Variants in ZCCHC17 observed in about 807,000 individuals in gnomAD.
ZCCHC17 encodes the protein zinc finger CCHC-type containing 17.
A neutral mutation model predicts 30.6 loss-of-function variants in ZCCHC17; 18 were observed. That is an observed-to-expected ratio of 0.59 (90% CI 0.41 to 0.87). The LOEUF is 0.87. ZCCHC17 is among the 40% of genes least tolerant of loss of function. The probability of loss-of-function intolerance (pLI) is 0.00; values close to 1 mark genes in which losing one functional copy is unlikely to be tolerated. For synonymous variants in ZCCHC17, 88 were observed against 92.4 expected, an observed-to-expected ratio of 0.95 and a Z score of 0.27; for missense variants, 263 against 284.2, an observed-to-expected ratio of 0.93 and a Z score of 0.54.
chr1:31,323,502 TAGTAGAGTCAGG>T (rs1646911037), intron 3 of ZCCHC17, among the ~76,000 whole-genome samples: 1 of 152,120 alleles, frequency 6.6e-6, no homozygotes, highest in Non-Finnish European at 1.5e-5. Context: ...TTTGTATTTT[TAGTAGAGTCAGG>T]GTTTCACCGT....
intron 3 of ZCCHC17, among the ~76,000 whole-genome samples, chr1:31,330,159 C>A (rs1044179188): frequency 6.6e-6 from 1 of 152,150 alleles, no homozygotes; most frequent in Non-Finnish European, 1.5e-5. Flanking sequence ...TCACTTCTTT[C>A]CTTTATTGCC....
At chr1:31,331,077 G>A (rs1638564527) in intron 3 of ZCCHC17, among the ~76,000 whole-genome samples, 1 of 151,952 alleles carries the variant, frequency 6.6e-6, no homozygotes, top group Admixed American at 6.6e-5. Flanking sequence ...TAATTCCAGG[G>A]AAAAGGGATT....
Position 31,348,934 on chromosome 1 carries a change from A to G in ZCCHC17, c.524A>G (p.Lys175Arg), listed in dbSNP as rs1011675925. Reference protein sequence around the residue: ...KEEAKSAEFEKPDPTRNPSRK... With the variant: ...KEEAKSAEFERPDPTRNPSRK... ...GAGGCAAAGTCAGCAGAGTTTGAGA[A>G]GCCTGACCCTACAAGGAATCCTTCT... is the stretch of plus-strand genomic sequence containing the variant. Residue 175 changes from lysine (K) to arginine (R), a missense_variant, in exon 7 of 8, where the codon AAG (lysine) becomes AGG (arginine). Lys to Arg is a conservative substitution (Grantham distance 26, BLOSUM62 2). Coordinates refer to ENST00000344147, the MANE Select transcript of ZCCHC17 (RefSeq NM_016505.4). 3 of 1,605,726 alleles carry G rather than the reference A, an allele frequency of 1.9e-6. No homozygotes were observed. The African/African-American group carries it at 4.0e-5, about 22-fold the overall frequency.
intron 7 of ZCCHC17, among the ~76,000 whole-genome samples, chr1:31,360,482 G>A (rs897945755): frequency 8.5e-5 from 13 of 152,182 alleles, no homozygotes; most frequent in African/African-American, 2.4e-4. Context: ...CTACAACTTC[G>A]GATGTGATTG....
intron 3 of ZCCHC17, among the ~76,000 whole-genome samples, chr1:31,332,664 T>C (rs1638637776): frequency 6.6e-6 from 1 of 152,050 alleles, no homozygotes; most frequent in Admixed American, 6.5e-5. Context: ...CTTTTTTTTT[T>C]GAGATGGAGT....
chr1:31,311,353 G>A (rs1316090809), intron 2 of ZCCHC17, among the ~76,000 whole-genome samples: 2 of 152,150 alleles, frequency 1.3e-5, no homozygotes, highest in African/African-American at 2.4e-5. Context: ...AATGTTGTTT[G>A]TTCTACCCTG....
intron 3 of ZCCHC17, among the ~76,000 whole-genome samples, chr1:31,320,139 A>C (rs1646827497): frequency 6.6e-6 from 1 of 152,168 alleles, no homozygotes; most frequent in South Asian, 2.1e-4. Flanking sequence ...AGTAACTTAG[A>C]CTGGTAGATT....
At position 31,319,135 on chromosome 1, in the gene ZCCHC17, C is replaced by T. The variant is rs760728805; in HGVS notation, c.93C>T (p.Ala31=). 1 of 1,610,468 alleles carries T rather than the reference C, an allele frequency of 6.2e-7. No homozygotes were observed. Among genetic ancestry groups the T allele is most frequent in the South Asian group, 1.1e-5 (1 of 90,724 alleles). The change falls in exon 3 of 8, where the codon GCC becomes GCT. Residue 31 remains alanine (A), a synonymous_variant. Transcript: ENST00000344147. ...TTGCTATGGTGACAGACTATGGGGCCTTTATCAAAATCCCAGGCTGTCGGA... is the reference window on the plus strand; with the variant it reads ...TTGCTATGGTGACAGACTATGGGGCTTTTATCAAAATCCCAGGCTGTCGGA... ...GEVAMVTDYG[A]FIKIPGCRKQ...
intron 7 of ZCCHC17, among the ~76,000 whole-genome samples, chr1:31,358,952 A>G (rs1328844887): frequency 6.6e-6 from 1 of 152,160 alleles, no homozygotes; most frequent in Non-Finnish European, 1.5e-5. Flanking sequence ...ATGAACTAAC[A>G]AAGAAGACAG....
At chr1:31,322,272 C>G (rs1646878698) in intron 3 of ZCCHC17, among the ~76,000 whole-genome samples, 1 of 152,178 alleles carries the variant, frequency 6.6e-6, no homozygotes, top group Non-Finnish European at 1.5e-5. Flanking sequence ...CTTAAGGGCT[C>G]AGTCCCACAT....
intron 1 of ZCCHC17, among the ~76,000 whole-genome samples, chr1:31,308,192 A>G (rs1646513419): frequency 6.6e-6 from 1 of 152,212 alleles, no homozygotes; most frequent in Non-Finnish European, 1.5e-5. Context: ...AGAACTGACA[A>G]ATCTGCCTGT....
chr1:31,305,576 A>C (rs1273638161), intron 1 of ZCCHC17, among the ~76,000 whole-genome samples: 2 of 152,094 alleles, frequency 1.3e-5, no homozygotes, highest in East Asian at 3.9e-4. Flanking sequence ...GGCGTGAGCC[A>C]CCATGCCCGG....
At chr1:31,325,925 A>G (rs1310906750) in intron 3 of ZCCHC17, among the ~76,000 whole-genome samples, 1 of 151,912 alleles carries the variant, frequency 6.6e-6, no homozygotes, top group Admixed American at 6.6e-5. Flanking sequence ...CCCAGAAGTT[A>G]GAGGCTGCAG....
chr1:31,304,958 A>G (rs1306172757), intron 1 of ZCCHC17, among the ~76,000 whole-genome samples: 2 of 152,202 alleles, frequency 1.3e-5, no homozygotes, highest in African/African-American at 2.4e-5. Context: ...CAGAATTTTA[A>G]TATGTAAACT....
rs188053687 is a variant in ZCCHC17, at chr1:31,360,523, C to G, written c.565-3509C>G. On this transcript the variant is annotated intron_variant, in intron 7 of 7. Transcript: ENST00000344147. Reference sequence around the variant, plus strand: ...TTGTTCTGTAGCTCAAGGCTAGACACGTAGGGAAAATGACGCCATTTGCTG... The same window carrying G: ...TTGTTCTGTAGCTCAAGGCTAGACAGGTAGGGAAAATGACGCCATTTGCTG... Among the ~76,000 whole-genome samples, 18 of 152,318 alleles carry G rather than the reference C, an allele frequency of 1.2e-4. No individual in the cohort carries two copies. The East Asian group carries it at 1.9e-3, about 16-fold the overall frequency.
intron 5 of ZCCHC17, among the ~76,000 whole-genome samples, chr1:31,345,279 C>T (rs1267776956): frequency 6.6e-6 from 1 of 151,648 alleles, no homozygotes; most frequent in Non-Finnish European, 1.5e-5. Flanking sequence ...GCCTCAGCCT[C>T]CCAAGTTGCT....
intron 7 of ZCCHC17, among the ~76,000 whole-genome samples, chr1:31,350,310 G>T (rs1639427205): frequency 6.6e-6 from 1 of 152,096 alleles, no homozygotes; most frequent in African/African-American, 2.4e-5. Flanking sequence ...TGAGGTCCTT[G>T]CCCTCAGTGG....
At chr1:31,348,609 C>T (rs371758625) in intron 6 of ZCCHC17, among the ~76,000 whole-genome samples, 4 of 152,146 alleles carry the variant, frequency 2.6e-5, no homozygotes, top group African/African-American at 9.7e-5. Context: ...ACCAGTGTTC[C>T]CCACAGCCCT....
intron 3 of ZCCHC17, among the ~76,000 whole-genome samples, chr1:31,325,771 C>T (rs1388024804): frequency 1.3e-5 from 2 of 152,184 alleles, no homozygotes; most frequent in African/African-American, 4.8e-5. Flanking sequence ...GTGGGCAGAA[C>T]GAGCCCAGCA....
Sources: allele counts gnomAD v4.1 joint callset (sites outside exome capture counted in the v4.1 genomes callset), GRCh38; gene constraint gnomAD v4.1.1; transcripts MANE v1.5; gene names NCBI Gene and HGNC (gene_info 2026-07-23, HGNC 2026-07-21).